Variants in CSK observed in about 807,000 individuals in gnomAD.
CSK encodes C-terminal Src kinase, also known as tyrosine-protein kinase CSK.
CSK carries 7 observed loss-of-function variants against 62.3 expected under a neutral mutation model. The observed-to-expected ratio is 0.11, with a 90% confidence interval of 0.06 to 0.21. The LOEUF (loss-of-function observed/expected upper bound fraction) is 0.21, where lower values mean the gene tolerates loss of function less well. CSK is among the 10% of genes least tolerant of loss of function. CSK has a pLI of 1.00. For missense variants in CSK, 294 were observed against 613.5 expected (o/e 0.48, Z 5.50); for synonymous variants, 237 against 246.0 (o/e 0.96, Z 0.34).
At chr15:74,791,783 G>A (rs1329162249) in intron 1 of CSK, among the ~76,000 whole-genome samples, 2 of 152,212 alleles carry the variant, frequency 1.3e-5, no homozygotes. Context: ...TTGGAGTCAG[G>A]TGGAACAGCT....
At chr15:74,799,564 C>T in intron 5 of CSK, 73 bp downstream of exon 5, 1 of 1,457,234 alleles carries the variant, frequency 6.9e-7, no homozygotes, top group Non-Finnish European at 9.4e-7. Flanking sequence ...TGGCTTCTAG[C>T]TCCAGCCCCA....
intron 4 of CSK, 133 bp downstream of exon 4, chr15:74,799,071 G>T (rs1366788323): frequency 3.0e-6 from 3 of 990,276 alleles, no homozygotes; most frequent in African/African-American, 3.2e-5. Context: ...GCAGGGTGCG[G>T]GTGCGGGACC....
intron 1 of CSK, among the ~76,000 whole-genome samples, chr15:74,789,740 C>G (rs1309616973): frequency 1.3e-5 from 2 of 152,186 alleles, no homozygotes; most frequent in Non-Finnish European, 2.9e-5. Flanking sequence ...CAGTCACTTT[C>G]CCCTAAAATC....
intron 1 of CSK, among the ~76,000 whole-genome samples, chr15:74,787,336 G>A (rs1033026306): frequency 6.6e-6 from 1 of 152,180 alleles, no homozygotes; most frequent in African/African-American, 2.4e-5. Flanking sequence ...CTCGGGATCA[G>A]AAGTACTCCA....
At position 74,782,852 on chromosome 15, in the gene CSK, C is replaced by G. The variant is rs1420769251; in HGVS notation, c.-66+132C>G. The G allele has an allele frequency of 6.6e-6, 1 of 152,366 alleles. No individual in the cohort carries two copies. The highest frequency in any genetic ancestry group is 2.4e-5 in the African/African-American group (1 of 41,468). 9.4% of individuals were successfully genotyped at this position (152,366 alleles called of 1,614,324 possible). A position where few individuals can be genotyped will look rare whatever the true frequency, so the allele number is the denominator to read the frequency against. On this transcript the variant is annotated intron_variant, in intron 1 of 12. Coordinates refer to ENST00000220003, the MANE Select transcript of CSK (RefSeq NM_004383.3). This position sits in a 1 kb window ranked among gnomAD's most constrained non-coding sequence, Gnocchi z 5.7. Reference sequence around the variant, plus strand: ...TCCCACTTCTCCCTTCTCTCCTTTACTCCCTTGCACGGGTTCGAATTCTCC... The same window carrying G: ...TCCCACTTCTCCCTTCTCTCCTTTAGTCCCTTGCACGGGTTCGAATTCTCC...
chr15:74,786,013 T>TTTTTTTTTG, intron 1 of CSK, among the ~76,000 whole-genome samples: 5 of 47,816 alleles, frequency 1.0e-4, no homozygotes, highest in African/African-American at 3.4e-4. Context: ...TTTTTTTTTT[T>TTTTTTTTTG]TGTGTGTGTG....
intron 1 of CSK, among the ~76,000 whole-genome samples, chr15:74,791,653 C>T (rs1009273989): frequency 1.3e-5 from 2 of 152,190 alleles, no homozygotes; most frequent in Admixed American, 6.5e-5. Flanking sequence ...TGTCATGTTT[C>T]TCTAGTGTCC....
chr15:74,800,334 C>A, intron 5 of CSK, 78 bp from the exon 6 acceptor site: 1 of 1,336,564 alleles, frequency 7.5e-7, no homozygotes, highest in Non-Finnish European at 1.1e-6. Context: ...CTCTGCCGCC[C>A]TCTGGTGGTC....
At chr15:74,802,284 C>T in intron 12 of CSK, 47 bp from the exon 13 acceptor site, 1 of 1,529,302 alleles carries the variant, frequency 6.5e-7, no homozygotes, top group Non-Finnish European at 8.8e-7. Flanking sequence ...TAGGTGTCCT[C>T]TCTGAGGCCA....
At chr15:74,796,479 C>A (rs191090080) in intron 1 of CSK, among the ~76,000 whole-genome samples, 2 of 151,200 alleles carry the variant, frequency 1.3e-5, no homozygotes, top group African/African-American at 4.9e-5. Flanking sequence ...CTGTGGTAAT[C>A]GCTACTTAGG....
chr15:74,800,394 GC>G lies in CSK; in HGVS notation c.463-12del, dbSNP rs763099021. 1 of 1,611,442 alleles carries G rather than the reference GC, an allele frequency of 6.2e-7. No homozygotes were observed. The highest frequency in any genetic ancestry group is 1.1e-5 in the South Asian group (1 of 90,696). ...ACCTTGGGCTGTCTCTGAGCACCCT[GC>G]CCCCCACACCCTGCAGCACTACACC... On this transcript the variant is annotated splice_polypyrimidine_tract_variant and intron_variant, in intron 5 of 12. Transcript: ENST00000220003.
chr15:74,790,273 A>G (rs2063598769), intron 1 of CSK, among the ~76,000 whole-genome samples: 1 of 152,168 alleles, frequency 6.6e-6, no homozygotes, highest in Non-Finnish European at 1.5e-5. Context: ...CCCACGCCCC[A>G]TTAGGCAGCA....
intron 1 of CSK, among the ~76,000 whole-genome samples, chr15:74,786,013 T>TTTTTTGTGTGTG: frequency 1.3e-4 from 6 of 47,836 alleles, no homozygotes; most frequent in African/African-American, 4.0e-4. Flanking sequence ...TTTTTTTTTT[T>TTTTTTGTGTGTG]TGTGTGTGTG....
At position 74,782,213 on chromosome 15, in the gene CSK, C is replaced by T. The variant is rs1310581341; in HGVS notation, c.-573C>T. ...GCTCCTGCCCCACCCGCGCCTTGCC[C>T]GGGGGCTTCTGCCGGGGTGGGGTCC... On this transcript the variant is annotated 5_prime_UTR_variant, in exon 1 of 13. Transcript: ENST00000220003. This position sits in a 1 kb window ranked among gnomAD's most constrained non-coding sequence, Gnocchi z 5.7. 6.7e-6 allele frequency: 1 copy of T among 149,126 alleles called. No homozygotes were observed. Among genetic ancestry groups the T allele is most frequent in the African/African-American group, 2.4e-5 (1 of 41,062 alleles). 9.2% of individuals were successfully genotyped at this position (149,126 alleles called of 1,614,324 possible). A position where few individuals can be genotyped will look rare whatever the true frequency, so the allele number is the denominator to read the frequency against.
Position 74,798,479 on chromosome 15 carries a change from C to T in CSK, c.16-136C>T, listed in dbSNP as rs754301895. 1 of 1,218,934 alleles carries T rather than the reference C, an allele frequency of 8.2e-7. No individual in the cohort carries two copies. Among genetic ancestry groups the T allele is most frequent in the Non-Finnish European group, 1.2e-6 (1 of 844,962 alleles). The allele number at this position is 1,218,934 out of a possible 1,614,324, so 75.5% of individuals were successfully genotyped here. A position where few individuals can be genotyped will look rare whatever the true frequency, so the allele number is the denominator to read the frequency against. On this transcript the variant is annotated intron_variant, in intron 2 of 12. Coordinates refer to ENST00000220003, the MANE Select transcript of CSK (RefSeq NM_004383.3). The surrounding 1 kb of genome is among the most constrained non-coding windows in gnomAD (Gnocchi z 6.6). Reference sequence around the variant, plus strand: ...GGGGGAGTCTCAACAGGAAGGGACCCAGGGCTCGTTCTCCGGGCAGAGCAC... The same window carrying T: ...GGGGGAGTCTCAACAGGAAGGGACCTAGGGCTCGTTCTCCGGGCAGAGCAC...
chr15:74,799,233 C>A (rs1465034626), intron 4 of CSK, 39 bp from the exon 5 acceptor site: 2 of 1,578,270 alleles, frequency 1.3e-6, no homozygotes, highest in East Asian at 2.2e-5. Context: ...GGGTCAGTAC[C>A]TTTGGGCCAC....
rs139316383 is a variant in CSK, at chr15:74,802,385, G to A, written c.1225G>A (p.Asp409Asn). Residue 409 changes from aspartate to asparagine, a missense_variant, in exon 13 of 13, where the codon GAC (aspartate) becomes AAC (asparagine). Around this residue, in one of 3 missense-constraint regions of CSK, gnomAD observed 66 missense variants for 99.3 expected, o/e 0.66. Transcript: ENST00000220003. ...GAAGGGCTACAAGATGGATGCCCCC[G>A]ACGGCTGCCCGCCCGCAGTCTATGA... ...VEKGYKMDAPDGCPPAVYEVM... is the reference protein window; with the variant it reads ...VEKGYKMDAPNGCPPAVYEVM... The A allele has an allele frequency of 1.7e-5, 27 of 1,611,418 alleles. No individual in the cohort carries two copies. Among genetic ancestry groups the A allele is most frequent in the Non-Finnish European group, 1.9e-5 (23 of 1,179,502 alleles).
intron 1 of CSK, among the ~76,000 whole-genome samples, chr15:74,786,803 G>A (rs896221883): frequency 2.6e-5 from 4 of 152,124 alleles, no homozygotes; most frequent in Admixed American, 2.6e-4. Flanking sequence ...CCCTAGGGTG[G>A]CCCAGGACTA....
chr15:74,801,421 C>T lies in CSK; in HGVS notation c.814-101C>T, dbSNP rs1806353611. On this transcript the variant is annotated intron_variant, in intron 9 of 12. Transcript: ENST00000220003. ...CCCTCCCCACTCCTTCCCTGTCTCA[C>T]ACCTCCCTGGAGTGTCAACACCCAC... The T allele has an allele frequency of 4.2e-6, 5 of 1,181,054 alleles. No homozygotes were observed. The South Asian group carries it at 4.4e-5, about 10-fold the overall frequency. 73.2% of individuals were successfully genotyped at this position (1,181,054 alleles called of 1,614,324 possible).
Sources: allele counts gnomAD v4.1 joint callset (sites outside exome capture counted in the v4.1 genomes callset), GRCh38; gene constraint gnomAD v4.1.1; regional missense constraint gnomAD v4.1.1; non-coding constraint Gnocchi (gnomAD v3.1); transcripts MANE v1.5; gene names NCBI Gene and HGNC (gene_info 2026-07-23, HGNC 2026-07-21).